MYRIP: variants seen among roughly 807,000 people sequenced by gnomAD.
The protein encoded by MYRIP is myosin VIIA and Rab interacting protein.
In MYRIP, 49 loss-of-function variants were observed where a neutral mutation model predicts 98.0. The ratio of observed to expected loss-of-function variants is 0.50; its 90% CI spans 0.40 to 0.63. MYRIP has a LOEUF of 0.63. Among genes scored for constraint, MYRIP ranks in the 30% least tolerant of loss-of-function variants. The probability of loss-of-function intolerance (pLI) is 0.00; values close to 1 mark genes in which losing one functional copy is unlikely to be tolerated. For synonymous variants in MYRIP, 404 were observed against 409.5 expected (o/e 0.99, Z 0.16); for missense variants, 1,004 against 1,058.2 (o/e 0.95, Z 0.71).
intron 13 of MYRIP, among the ~76,000 whole-genome samples, chr3:40,245,375 C>A (rs909248902): frequency 1.3e-5 from 2 of 151,536 alleles, no homozygotes; most frequent in Non-Finnish European, 2.9e-5. Flanking sequence ...GTAGGCCAGG[C>A]ATAGTGGCTC....
intron 4 of MYRIP, among the ~76,000 whole-genome samples, chr3:40,153,536 A>G (rs558154007): frequency 3.3e-5 from 5 of 151,974 alleles, no homozygotes; most frequent in Non-Finnish European, 7.4e-5. Context: ...ATCATTGTCC[A>G]CCCCCCATTA....
At chr3:40,110,835 T>C (rs1423841012) in intron 3 of MYRIP, among the ~76,000 whole-genome samples, 1 of 151,764 alleles carries the variant, frequency 6.6e-6, no homozygotes, top group Non-Finnish European at 1.5e-5. Flanking sequence ...GTAATTATTC[T>C]CAAATAACCA....
At chr3:39,885,705 C>CT (rs1943278403) in intron 1 of MYRIP, among the ~76,000 whole-genome samples, 1 of 151,928 alleles carries the variant, frequency 6.6e-6, no homozygotes, top group Admixed American at 6.6e-5. Flanking sequence ...TCTTTTTATT[C>CT]TTTTTTCTCT....
At chr3:39,905,410 A>T (rs1235605663) in intron 2 of MYRIP, among the ~76,000 whole-genome samples, 1 of 152,024 alleles carries the variant, frequency 6.6e-6, no homozygotes, top group Non-Finnish European at 1.5e-5. Context: ...TCACTTACTT[A>T]TATTACCCTT....
chr3:40,051,528 A>G (rs1429413594), intron 3 of MYRIP, among the ~76,000 whole-genome samples: 2 of 152,290 alleles, frequency 1.3e-5, no homozygotes, highest in East Asian at 3.9e-4. Flanking sequence ...GCACTGGGAA[A>G]CAAAAAATTT....
At chr3:40,217,137 G>A (rs997989912) in intron 11 of MYRIP, among the ~76,000 whole-genome samples, 5 of 152,126 alleles carry the variant, frequency 3.3e-5, no homozygotes, top group Non-Finnish European at 5.9e-5. Flanking sequence ...TCAGAAAGAA[G>A]CTAGTCTCAG....
chr3:40,025,595 A>G (rs889185823), intron 2 of MYRIP, among the ~76,000 whole-genome samples: 1 of 152,178 alleles, frequency 6.6e-6, no homozygotes, highest in African/African-American at 2.4e-5. Context: ...CCCGCCCCCA[A>G]TATTTCAATG....
At chr3:39,890,246 T>G in intron 1 of MYRIP, among the ~76,000 whole-genome samples, 1 of 152,080 alleles carries the variant, frequency 6.6e-6, no homozygotes, top group East Asian at 1.9e-4. Context: ...TTTCTTACTT[T>G]GTTTTAGTAA....
intron 2 of MYRIP, among the ~76,000 whole-genome samples, chr3:39,942,869 C>T (rs1015939917): frequency 5.9e-5 from 9 of 152,214 alleles, no homozygotes; most frequent in South Asian, 2.1e-4. Context: ...TTATGAAATT[C>T]GCTTTTTAAA....
At chr3:39,950,104 A>G (rs1220377446) in intron 2 of MYRIP, among the ~76,000 whole-genome samples, 1 of 152,054 alleles carries the variant, frequency 6.6e-6, no homozygotes, top group Non-Finnish European at 1.5e-5. Flanking sequence ...CTGCCATTTA[A>G]TTTTTATGTT....
intron 1 of MYRIP, among the ~76,000 whole-genome samples, chr3:39,812,597 T>C (rs545546701): frequency 1.3e-5 from 2 of 152,316 alleles, no homozygotes; most frequent in South Asian, 4.1e-4. Flanking sequence ...GATATTAAAA[T>C]ATGAATGAAG....
intron 2 of MYRIP, among the ~76,000 whole-genome samples, chr3:40,006,392 A>C (rs553040725): frequency 7.2e-5 from 11 of 152,282 alleles, no homozygotes; most frequent in Non-Finnish European, 1.5e-4. Context: ...CTGTCTCAAA[A>C]AAAAAGGAGG....
chr3:40,098,341 C>T lies in MYRIP; in HGVS notation c.333-52707C>T, dbSNP rs186440064. ...ATGTGGTATGAACCCATTTGTAATG[C>T]AATACATTCCATAAAAGTGTGAGCA... On this transcript the variant is annotated intron_variant, in intron 3 of 16. Transcript: ENST00000302541. 9.2e-4 allele frequency among the ~76,000 whole-genome samples: 140 copies of T among 152,214 alleles called. 1 individual carries two copies. The highest frequency in any genetic ancestry group is 3.2e-3 in the African/African-American group (133 of 41,520).
intron 4 of MYRIP, among the ~76,000 whole-genome samples, chr3:40,159,500 T>C (rs1205400906): frequency 6.5e-4 from 99 of 151,910 alleles, no homozygotes; most frequent in African/African-American, 2.3e-3. Flanking sequence ...GAGGAGTATC[T>C]TTGTGGCATT....
chr3:40,233,453 T>G (rs1308677921), intron 11 of MYRIP, among the ~76,000 whole-genome samples: 1 of 152,164 alleles, frequency 6.6e-6, no homozygotes, highest in East Asian at 1.9e-4. Flanking sequence ...CCCAGGTCTC[T>G]TAAATGCCAG....
At chr3:39,908,479 G>T (rs1401116210) in intron 2 of MYRIP, among the ~76,000 whole-genome samples, 1 of 152,120 alleles carries the variant, frequency 6.6e-6, no homozygotes, top group Non-Finnish European at 1.5e-5. Context: ...AATAAGAGCT[G>T]CCAGGGTTTG....
rs184638284 is a variant in MYRIP at position 39,983,169 on chromosome 3, C to T, written c.111-60881C>T. Among the ~76,000 whole-genome samples, 301 of 152,330 alleles carry T rather than the reference C, an allele frequency of 2.0e-3. 1 individual carries two copies. Among genetic ancestry groups the T allele is most frequent in the African/African-American group, 6.9e-3 (288 of 41,582 alleles). On this transcript the variant is annotated intron_variant, in intron 2 of 16. Coordinates refer to ENST00000302541, the MANE Select transcript of MYRIP (RefSeq NM_015460.4). ...TATTTGAAAATGTCGGCCTGGATTACATTTCGGCCTTTCTGTGGCCCGGTT... is the reference window on the plus strand; with the variant it reads ...TATTTGAAAATGTCGGCCTGGATTATATTTCGGCCTTTCTGTGGCCCGGTT...
intron 3 of MYRIP, among the ~76,000 whole-genome samples, chr3:40,129,262 C>A (rs1949585537): frequency 6.6e-6 from 1 of 150,854 alleles, no homozygotes; most frequent in Non-Finnish European, 1.5e-5. Context: ...CATGGTGAAA[C>A]CCCCGTCTCC....
chr3:39,898,430 T>C (rs573584249), intron 1 of MYRIP, among the ~76,000 whole-genome samples: 59 of 152,256 alleles, frequency 3.9e-4, no homozygotes, highest in Non-Finnish European at 5.4e-4. Context: ...TATTTGGAAA[T>C]GAAAAGGGCA....
Sources: allele counts gnomAD v4.1 joint callset (sites outside exome capture counted in the v4.1 genomes callset), GRCh38; gene constraint gnomAD v4.1.1; transcripts MANE v1.5; gene names NCBI Gene and HGNC (gene_info 2026-07-23, HGNC 2026-07-21).